HDX: variants seen among roughly 807,000 people sequenced by gnomAD.
HDX encodes the protein highly divergent homeobox.
A neutral mutation model predicts 45.2 loss-of-function variants in HDX; 19 were observed. The ratio of observed to expected loss-of-function variants is 0.42; its 90% CI spans 0.29 to 0.62. The LOEUF is 0.62. HDX is among the 20% of genes least tolerant of loss of function. The pLI is 0.20. For missense variants in HDX, 532 were observed against 493.9 expected (o/e 1.08, Z -0.73); for synonymous variants, 188 against 172.8 (o/e 1.09, Z -0.69).
chrX:84,498,866 T>C (rs2041063962), intron 1 of HDX, among the ~76,000 whole-genome samples: 1 of 98,729 alleles, frequency 1.0e-5, no homozygotes, highest in East Asian at 3.2e-4. Flanking sequence ...CACACACACA[T>C]CTCAGATTCC....
At chrX:84,450,199 T>A (rs970000951) in intron 4 of HDX, among the ~76,000 whole-genome samples, 1 of 111,681 alleles carries the variant, frequency 9.0e-6, no homozygotes, top group African/African-American at 3.3e-5. Context: ...CAATTATGAT[T>A]TTGAATATAA....
intron 4 of HDX, among the ~76,000 whole-genome samples, chrX:84,461,736 G>C (rs1336725395): frequency 9.0e-6 from 1 of 111,443 alleles, no homozygotes; most frequent in East Asian, 2.8e-4. Flanking sequence ...ACAACACACA[G>C]AATGGGAGAA....
chrX:84,468,596 C>T lies in HDX; in HGVS notation c.1127G>A (p.Arg376Gln). The change falls in exon 4 of 11, where the codon CGG becomes CAG. Residue 376 changes from arginine (R) to glutamine (Q), a missense_variant. Physicochemically the swap from Arg to Gln is conservative, Grantham distance 43 (BLOSUM62 1). Transcript: ENST00000373177. ...ACTAGATGCTGTATGTAATGAGGTC[C>T]GTGGTGTCAAATGGTAGTTTCTGTT... ...YQNRNYHLTP[R>Q]TSLHTASSTM... The T allele has an allele frequency of 1.7e-6, 2 of 1,202,125 alleles. No individual in the cohort carries two copies. Among genetic ancestry groups the T allele is most frequent in the Non-Finnish European group, 2.3e-6 (2 of 887,006 alleles).
At position 84,381,968 on chromosome X, in the gene HDX, C is replaced by A. The variant is rs1233214703; in HGVS notation, c.1306-20356G>T. ...TGCCCATCTGACAAGGGATTAATAA[C>A]CAGAACATATAAGGAGCTCAAGCAA... On this transcript the variant is annotated intron_variant, in intron 5 of 10. Coordinates refer to ENST00000373177, the MANE Select transcript of HDX (RefSeq NM_001177479.2). Among the ~76,000 whole-genome samples the A allele has an allele frequency of 5.4e-5, 6 of 110,962 alleles. No homozygotes were observed. The East Asian group carries it at 1.7e-3, about 31-fold the overall frequency.
intron 2 of HDX, among the ~76,000 whole-genome samples, chrX:84,485,303 C>T (rs12838367): frequency 8.9e-6 from 1 of 111,824 alleles, no homozygotes; most frequent in African/African-American, 3.3e-5. Flanking sequence ...TATTGACTTC[C>T]TCACAACTTT....
At chrX:84,417,011 C>T (rs1171023941) in intron 5 of HDX, among the ~76,000 whole-genome samples, 2 of 108,674 alleles carry the variant, frequency 1.8e-5, no homozygotes, top group Non-Finnish European at 3.8e-5. Context: ...AAAAATTAGC[C>T]GGGCATGGTG....
At chrX:84,491,160 A>T (rs1160735460) in intron 1 of HDX, among the ~76,000 whole-genome samples, 1 of 111,855 alleles carries the variant, frequency 8.9e-6, no homozygotes. Flanking sequence ...TGACTCAAAA[A>T]ATATGGATGG....
intron 9 of HDX, among the ~76,000 whole-genome samples, chrX:84,332,581 G>A (rs781197408): frequency 2.0e-4 from 22 of 110,818 alleles, no homozygotes; most frequent in Non-Finnish European, 3.6e-4. Flanking sequence ...GTGCTAAGAG[G>A]AGCACTCTTA....
chrX:84,343,077 C>T (rs775569706), intron 7 of HDX, among the ~76,000 whole-genome samples: 9 of 110,608 alleles, frequency 8.1e-5, no homozygotes, highest in Non-Finnish European at 1.7e-4. Context: ...AAATTTATAT[C>T]GTCATAAAGC....
chrX:84,369,721 G>A (rs374759006), intron 5 of HDX, among the ~76,000 whole-genome samples: 1 of 111,994 alleles, frequency 8.9e-6, no homozygotes, highest in Non-Finnish European at 1.9e-5. Flanking sequence ...CTTTCTATAC[G>A]CTTGTTGGCT....
intron 2 of HDX, among the ~76,000 whole-genome samples, chrX:84,477,018 G>C (rs781176021): frequency 3.6e-5 from 4 of 112,034 alleles, no homozygotes; most frequent in African/African-American, 1.3e-4. Context: ...TTTCAAGGAT[G>C]CGTGGGCAAG....
rs148559210 is a variant in HDX, at chrX:84,444,166, C to T, written c.1252-3581G>A. Among the ~76,000 whole-genome samples, 396 of 110,237 alleles carry T rather than the reference C, an allele frequency of 3.6e-3. 3 individuals are homozygous for T. Among genetic ancestry groups the T allele is most frequent in the African/African-American group, 0.012 (379 of 30,409 alleles). ...GGGAAAAAAAAGAATGGCATGAGCACGGTGGAATAAAAAGACAGGATGTAT... is the reference window on the plus strand; with the variant it reads ...GGGAAAAAAAAGAATGGCATGAGCATGGTGGAATAAAAAGACAGGATGTAT... On this transcript the variant is annotated intron_variant, in intron 4 of 10. Coordinates refer to ENST00000373177, the MANE Select transcript of HDX (RefSeq NM_001177479.2).
intron 6 of HDX, among the ~76,000 whole-genome samples, chrX:84,350,785 T>C (rs946126765): frequency 8.9e-6 from 1 of 112,092 alleles, no homozygotes; most frequent in African/African-American, 3.2e-5. Flanking sequence ...TGCAAATTTC[T>C]GTATTTTAGT....
At chrX:84,452,707 T>G (rs2040028190) in intron 4 of HDX, among the ~76,000 whole-genome samples, 1 of 111,377 alleles carries the variant, frequency 9.0e-6, no homozygotes, top group South Asian at 3.7e-4. Flanking sequence ...ACAGAGGCAG[T>G]AAGAATGTGT....
At position 84,320,076 on chromosome X, in the gene HDX, T is replaced by A. The variant is rs1474280056; in HGVS notation, c.*1813A>T. 2 of 111,062 alleles carry A rather than the reference T, an allele frequency of 1.8e-5. No individual in the cohort carries two copies. The highest frequency in any genetic ancestry group is 1.9e-4 in the Admixed American group (2 of 10,418). The allele number at this position is 111,062 out of a possible 1,213,427, so 9.2% of individuals were successfully genotyped here. On this transcript the variant is annotated 3_prime_UTR_variant, in exon 11 of 11. Coordinates refer to ENST00000373177, the MANE Select transcript of HDX (RefSeq NM_001177479.2). ...AGGAGAGACTTGAAGGCCTGGAATT[T>A]GTTCATGCTACTTAATAAGTGGTTT...
At chrX:84,449,904 C>T (rs1377754107) in intron 4 of HDX, among the ~76,000 whole-genome samples, 2 of 108,403 alleles carry the variant, frequency 1.8e-5, no homozygotes, top group Admixed American at 1.0e-4. Flanking sequence ...GGGAATTGAA[C>T]AATGAGAACA....
chrX:84,338,459 C>T (rs192701604), intron 7 of HDX, among the ~76,000 whole-genome samples: 166 of 110,429 alleles, frequency 1.5e-3, no homozygotes, highest in African/African-American at 5.2e-3. Flanking sequence ...TCCCCACCCA[C>T]GAGCAGCTAT....
At chrX:84,347,269 A>G (rs2037229530) in intron 6 of HDX, among the ~76,000 whole-genome samples, 1 of 110,185 alleles carries the variant, frequency 9.1e-6, no homozygotes, top group South Asian at 3.8e-4. Flanking sequence ...ATCATAGTTC[A>G]CTGTAGCCTT....
intron 2 of HDX, among the ~76,000 whole-genome samples, chrX:84,475,973 A>C (rs2040541484): frequency 8.9e-6 from 1 of 112,232 alleles, no homozygotes; most frequent in Non-Finnish European, 1.9e-5. Flanking sequence ...GCTTTAGGGA[A>C]TACTAAACAA....
Sources: gnomAD v4.1 joint callset for allele counts (sites outside exome capture counted in the v4.1 genomes callset) on GRCh38, gnomAD v4.1.1 for gene constraint, MANE v1.5 for transcripts, NCBI Gene and HGNC (gene_info 2026-07-23, HGNC 2026-07-21) for gene names.